The following MINK1 variants were observed in gnomAD, a reference collection of about 807,000 sequenced individuals.
MINK1 encodes the protein misshapen-like kinase 1.
Under a neutral mutation model 178.4 loss-of-function variants are expected in MINK1, and 46 were observed. The observed-to-expected ratio is 0.26, with a 90% CI of 0.20 to 0.33. The LOEUF is 0.33. MINK1 is among the 10% of genes least tolerant of loss of function. The probability of loss-of-function intolerance (pLI) is 1.00; values close to 1 mark genes in which losing one functional copy is unlikely to be tolerated. For missense variants in MINK1, 1,366 were observed against 1,814.9 expected (o/e 0.75, Z 4.49); for synonymous variants, 797 against 709.7 (o/e 1.12, Z -1.96).
Position 4,892,972 on chromosome 17 carries a change from C to T in MINK1, c.2312-7C>T, listed in dbSNP as rs142172345. 0.016 allele frequency: 25,126 copies of T among 1,558,784 alleles called. 235 individuals are homozygous for T. Among genetic ancestry groups the T allele is most frequent in the Non-Finnish European group, 0.019 (21,409 of 1,150,996 alleles). On this transcript the variant is annotated splice_region_variant and splice_polypyrimidine_tract_variant and intron_variant, in intron 19 of 31. Coordinates refer to ENST00000355280, the MANE Select transcript of MINK1 (RefSeq NM_153827.5). ...CATCAGTGACCTTCTTCCACCCTGC[C>T]GTCCAGTCTCCTCCAAACCGGACAG...
rs1968105653 is a variant in MINK1, at chr17:4,885,340, T to G, written c.509-143T>G. On this transcript the variant is annotated intron_variant, in intron 6 of 31. Transcript: ENST00000355280. The surrounding 1 kb of genome is among the most constrained non-coding windows in gnomAD (Gnocchi z 5.0). ...GGAATCGGGTTCTTCAGGATGGTGG[T>G]GGGGTAAAGGAGGGTGCTGGGGTGT... 2 of 1,053,614 alleles carry G rather than the reference T, an allele frequency of 1.9e-6. No individual in the cohort carries two copies. The highest frequency in any genetic ancestry group is 2.5e-5 in the Admixed American group (1 of 40,766). 65.3% of individuals were successfully genotyped at this position (1,053,614 alleles called of 1,614,324 possible). A position where few individuals can be genotyped will look rare whatever the true frequency, so the allele number is the denominator to read the frequency against.
At position 4,891,143 on chromosome 17, in the gene MINK1, CT is replaced by C. The variant is rs1376200029; in HGVS notation, c.1740+20del. 6.0e-6 allele frequency: 9 copies of C among 1,492,390 alleles called. No individual in the cohort carries two copies. The East Asian group carries it at 1.2e-4, about 20-fold the overall frequency. 92.4% of individuals were successfully genotyped at this position (1,492,390 alleles called of 1,614,324 possible). On this transcript the variant is annotated intron_variant, in intron 15 of 31. Coordinates refer to ENST00000355280, the MANE Select transcript of MINK1 (RefSeq NM_153827.5). ...GCACAAGGTGAGTCTCTCCCCACCC[CT>C]GTCTTAATGAAGACACAGGGAGCTT... is the stretch of plus-strand genomic sequence containing the variant.
chr17:4,833,524 G>T lies in MINK1; in HGVS notation c.-60G>T. Reference sequence around the variant, plus strand: ...CGATGGGGGAGAAGCGGCGACGGCGGCAGTGGAGTAACCGAGCCGGAGCGT... The same window carrying T: ...CGATGGGGGAGAAGCGGCGACGGCGTCAGTGGAGTAACCGAGCCGGAGCGT... On this transcript the variant is annotated 5_prime_UTR_variant, in exon 1 of 32. Coordinates refer to ENST00000355280, the MANE Select transcript of MINK1 (RefSeq NM_153827.5). This position sits in a 1 kb window ranked among gnomAD's most constrained non-coding sequence, Gnocchi z 4.8. The T allele has an allele frequency of 7.2e-7, 1 of 1,382,966 alleles. No individual in the cohort carries two copies. Among genetic ancestry groups the T allele is most frequent in the Admixed American group, 2.2e-5 (1 of 44,760 alleles). 85.7% of individuals were successfully genotyped at this position (1,382,966 alleles called of 1,614,324 possible).
chr17:4,891,911 G>T (rs75384909), intron 16 of MINK1, among the ~76,000 whole-genome samples, 195 bp downstream of exon 16: 2 of 152,176 alleles, frequency 1.3e-5, no homozygotes, highest in African/African-American at 4.8e-5. Context: ...TGTGGGGAGC[G>T]TGGGAACGGA....
Position 4,887,220 on chromosome 17 carries a change from C to T in MINK1, c.1019+41C>T. On this transcript the variant is annotated intron_variant, in intron 11 of 31. Transcript: ENST00000355280. The surrounding 1 kb of genome is among the most constrained non-coding windows in gnomAD (Gnocchi z 7.6). ...GGAGTGGGGGTTGGGGCGGTCATCG[C>T]TGAGTGGGGGGACTACAGTGGTGCT... is the stretch of plus-strand genomic sequence containing the variant. 6.5e-7 allele frequency: 1 copy of T among 1,549,616 alleles called. No homozygotes were observed. The highest frequency in any genetic ancestry group is 8.8e-7 in the Non-Finnish European group (1 of 1,140,478).
chr17:4,856,837 G>C lies in MINK1; in HGVS notation c.58-21480G>C, dbSNP rs142252979. On this transcript the variant is annotated intron_variant, in intron 1 of 31. Coordinates refer to ENST00000355280, the MANE Select transcript of MINK1 (RefSeq NM_153827.5). ...ACACGAGGACACTGTACACTTAGAAGATCAACTACTGAGGGCCAGCTGCCC... is the reference window on the plus strand; with the variant it reads ...ACACGAGGACACTGTACACTTAGAACATCAACTACTGAGGGCCAGCTGCCC... 2.7e-3 allele frequency: 428 copies of C among 157,678 alleles called. 1 individual carries two copies. Among genetic ancestry groups the C allele is most frequent in the African/African-American group, 0.01 (417 of 41,616 alleles). 9.8% of individuals were successfully genotyped at this position (157,678 alleles called of 1,614,324 possible).
intron 1 of MINK1, among the ~76,000 whole-genome samples, chr17:4,842,204 A>G (rs7218130): frequency 0.077 from 11,003 of 142,930 alleles, 445 homozygotes; most frequent in Non-Finnish European, 0.097. Flanking sequence ...AGCCTGGGCG[A>G]CAGAGCGAGA....
chr17:4,869,102 T>C (rs1295530867), intron 1 of MINK1, among the ~76,000 whole-genome samples: 1 of 151,798 alleles, frequency 6.6e-6, no homozygotes, highest in East Asian at 1.9e-4. Context: ...TTTTTTTTAT[T>C]TTTAGTAGAG....
intron 1 of MINK1, among the ~76,000 whole-genome samples, chr17:4,863,228 G>A (rs951338117): frequency 2.0e-5 from 3 of 152,142 alleles, no homozygotes; most frequent in East Asian, 1.9e-4. Context: ...TCACTCTCCC[G>A]CTTCTGTCTC....
intron 1 of MINK1, among the ~76,000 whole-genome samples, chr17:4,851,902 G>A (rs563909363): frequency 7.3e-5 from 11 of 150,662 alleles, no homozygotes; most frequent in African/African-American, 2.7e-4. Flanking sequence ...TGGGAGGCTG[G>A]GACAGGAGAA....
chr17:4,882,516 A>C (rs1263573692), intron 4 of MINK1, among the ~76,000 whole-genome samples: 3 of 152,188 alleles, frequency 2.0e-5, no homozygotes, highest in Non-Finnish European at 4.4e-5. Flanking sequence ...GACCCTATGC[A>C]ATCTTTATGT....
intron 1 of MINK1, among the ~76,000 whole-genome samples, chr17:4,842,220 T>C (rs1460336432): frequency 1.5e-5 from 1 of 65,150 alleles, no homozygotes. Flanking sequence ...CGAGACTCTG[T>C]CCAAAAAAAA....
chr17:4,838,982 C>G (rs371612407), intron 1 of MINK1, among the ~76,000 whole-genome samples: 1 of 150,782 alleles, frequency 6.6e-6, no homozygotes, highest in Non-Finnish European at 1.5e-5. Flanking sequence ...CTCGCACTGT[C>G]GCCCAGGCTG....
At position 4,891,735 on chromosome 17, in the gene MINK1, G is replaced by C; in HGVS notation, c.2001+19G>C. The stretch of plus-strand genomic sequence containing the variant: ...ACCCAAGGTAAGGACAGTTCTGCAG[G>C]CCCAGGGAAAAGCAGAGAGCTAGTC... On this transcript the variant is annotated intron_variant, in intron 16 of 31. Transcript: ENST00000355280. 1.3e-6 allele frequency: 2 copies of C among 1,588,910 alleles called. No individual in the cohort carries two copies. Among genetic ancestry groups the C allele is most frequent in the Non-Finnish European group, 1.7e-6 (2 of 1,167,300 alleles).
rs758507498 is a variant in MINK1 at position 4,892,704 on chromosome 17, C to T, written c.2247C>T (p.Ser749=). Reference sequence around the variant, plus strand: ...ACCCTGGCTGGGAACGCTCGGACAGCGTCCTTCCAGCCTCTCACGGGCACC... The same window carrying T: ...ACCCTGGCTGGGAACGCTCGGACAGTGTCCTTCCAGCCTCTCACGGGCACC... ...RSDPGWERSD[S]VLPASHGHLP... Residue 749 remains serine (S), a synonymous_variant, in exon 19 of 32, where the codon AGC becomes AGT. Transcript: ENST00000355280. 30 of 1,611,856 alleles carry T rather than the reference C, an allele frequency of 1.9e-5. No homozygotes were observed. The African/African-American group carries it at 2.8e-4, about 15-fold the overall frequency.
chr17:4,894,493 TTGTTTGCC>T lies in MINK1; in HGVS notation c.2809-29_2809-22del. 6.4e-7 allele frequency: 1 copy of T among 1,558,596 alleles called. No homozygotes were observed. The highest frequency in any genetic ancestry group is 1.2e-5 in the South Asian group (1 of 85,222). ...GGCAGGGCCGCAGCTGGACTTGCAC[TTGTTTGCC>T]TGACTGCTGTCCCCCTACCACAGTA... On this transcript the variant is annotated intron_variant, in intron 23 of 31. Transcript: ENST00000355280. The surrounding 1 kb of genome is among the most constrained non-coding windows in gnomAD (Gnocchi z 4.1).
At chr17:4,881,310 CT>C (rs1967682350) in intron 4 of MINK1, 53 bp downstream of exon 4, 9 of 1,520,344 alleles carry the variant, frequency 5.9e-6, no homozygotes, top group Non-Finnish European at 7.0e-6. Context: ...TGTCTCCGGG[CT>C]GTTCACTAGG....
intron 4 of MINK1, among the ~76,000 whole-genome samples, chr17:4,882,651 G>C (rs1182093157): frequency 6.6e-6 from 1 of 152,178 alleles, no homozygotes; most frequent in African/African-American, 2.4e-5. Context: ...CATATTTGCT[G>C]TCCCAGCTAC....
At chr17:4,850,497 G>A (rs1200450275) in intron 1 of MINK1, among the ~76,000 whole-genome samples, 1 of 147,438 alleles carries the variant, frequency 6.8e-6, no homozygotes, top group Non-Finnish European at 1.5e-5. Flanking sequence ...GATTCAGACA[G>A]TCCTTCCTCC....
Sources: allele counts gnomAD v4.1 joint callset (sites outside exome capture counted in the v4.1 genomes callset), GRCh38; gene constraint gnomAD v4.1.1; non-coding constraint Gnocchi (gnomAD v3.1); transcripts MANE v1.5; gene names NCBI Gene and HGNC (gene_info 2026-07-23, HGNC 2026-07-21).